The following RBMS1 variants were observed in gnomAD, a reference collection of about 807,000 sequenced individuals.
The protein encoded by RBMS1 is RNA-binding motif, single-stranded-interacting protein 1.
RBMS1 carries 17 observed loss-of-function variants against 62.3 expected under a neutral mutation model. The observed-to-expected ratio is 0.27, with a 90% CI of 0.19 to 0.41. The LOEUF (loss-of-function observed/expected upper bound fraction) is 0.41, where lower values mean the gene tolerates loss of function less well. Among genes scored for constraint, RBMS1 ranks in the 10% least tolerant of loss-of-function variants. RBMS1 has a pLI of 1.00. For synonymous variants in RBMS1, 172 were observed against 170.0 expected (o/e 1.01, Z -0.09); for missense variants, 334 against 504.5 (o/e 0.66, Z 3.24).
chr2:160,431,450 G>A (rs1326706261), intron 1 of RBMS1, among the ~76,000 whole-genome samples: 1 of 151,994 alleles, frequency 6.6e-6, no homozygotes, highest in Non-Finnish European at 1.5e-5. Context: ...AAGTATAAAT[G>A]TTAAGTTATA....
At chr2:160,493,097 T>A in intron 1 of RBMS1, 192 bp downstream of exon 1, 1 of 542,284 alleles carries the variant, frequency 1.8e-6, no homozygotes, top group Non-Finnish European at 3.2e-6. Flanking sequence ...ATCCCCGCAC[T>A]CCGCTCCCAG....
chr2:160,427,752 G>A (rs1352521461), intron 1 of RBMS1, among the ~76,000 whole-genome samples: 1 of 152,156 alleles, frequency 6.6e-6, no homozygotes, highest in Non-Finnish European at 1.5e-5. Flanking sequence ...GGGTGCCTGT[G>A]TCCAGTTTCA....
At chr2:160,489,814 T>C (rs568025848) in intron 1 of RBMS1, among the ~76,000 whole-genome samples, 10 of 152,146 alleles carry the variant, frequency 6.6e-5, no homozygotes, top group Non-Finnish European at 1.3e-4. Context: ...TAGAAATATA[T>C]TCTTAGAACT....
chr2:160,349,581 GAA>G (rs1491309136), intron 2 of RBMS1, among the ~76,000 whole-genome samples: 1 of 150,236 alleles, frequency 6.7e-6, no homozygotes, highest in South Asian at 2.1e-4. Context: ...GAGAGAGAGA[GAA>G]AGGAAGGGAG....
intron 4 of RBMS1, among the ~76,000 whole-genome samples, chr2:160,306,659 C>A (rs576447804): frequency 1.3e-5 from 2 of 150,398 alleles, no homozygotes; most frequent in East Asian, 3.9e-4. Flanking sequence ...AAGCTGGCAG[C>A]ACATGCCACA....
intron 2 of RBMS1, among the ~76,000 whole-genome samples, chr2:160,350,500 T>G (rs1406975998): frequency 2.0e-5 from 3 of 151,838 alleles, no homozygotes; most frequent in Non-Finnish European, 4.4e-5. Flanking sequence ...AACAGATATA[T>G]CATTACTGTC....
At chr2:160,452,670 C>T (rs1684041985) in intron 1 of RBMS1, among the ~76,000 whole-genome samples, 1 of 152,176 alleles carries the variant, frequency 6.6e-6, no homozygotes, top group Admixed American at 6.5e-5. Context: ...TTAGAATGAC[C>T]TTATTACGAG....
intron 1 of RBMS1, among the ~76,000 whole-genome samples, chr2:160,378,659 A>T (rs1017878463): frequency 6.6e-6 from 1 of 151,830 alleles, no homozygotes; most frequent in Non-Finnish European, 1.5e-5. Flanking sequence ...CTGTCATAAG[A>T]GTACACTCAG....
Position 160,484,870 on chromosome 2 carries a change from C to CAAAAA in RBMS1, c.75+8414_75+8418dup, listed in dbSNP as rs756811005. Among the ~76,000 whole-genome samples the CAAAAA allele has an allele frequency of 7.8e-4, 101 of 129,358 alleles. 1 individual carries two copies. Among genetic ancestry groups the CAAAAA allele is most frequent in the Non-Finnish European group, 4.5e-4 (27 of 59,406 alleles). The allele number at this position is 129,358 out of a possible 152,430, so 84.9% of individuals were successfully genotyped here. A position where few individuals can be genotyped will look rare whatever the true frequency, so the allele number is the denominator to read the frequency against. ...TGGGCGACAGAGCAAGACTCCGTCT[C>CAAAAA]AAAAAAAAAAAAAAATTTACGAAGC... On this transcript the variant is annotated intron_variant, in intron 1 of 13. Coordinates refer to ENST00000348849, the MANE Select transcript of RBMS1 (RefSeq NM_016836.4).
intron 1 of RBMS1, among the ~76,000 whole-genome samples, chr2:160,409,708 T>C (rs757441579): frequency 8.5e-5 from 13 of 152,158 alleles, no homozygotes; most frequent in Non-Finnish European, 1.9e-4. Flanking sequence ...GAAACCACAA[T>C]GTAAACCACA....
chr2:160,394,702 T>C (rs767824152), intron 1 of RBMS1, among the ~76,000 whole-genome samples: 1 of 152,252 alleles, frequency 6.6e-6, no homozygotes, highest in Non-Finnish European at 1.5e-5. Flanking sequence ...GTTCAGAGAA[T>C]GACTTTTTAA....
intron 2 of RBMS1, among the ~76,000 whole-genome samples, chr2:160,346,796 A>C (rs1485214090): frequency 6.6e-6 from 1 of 152,150 alleles, no homozygotes; most frequent in African/African-American, 2.4e-5. Flanking sequence ...AAAATCCTCT[A>C]AACACTATAG....
At position 160,445,227 on chromosome 2, in the gene RBMS1, T is replaced by C. The variant is rs186827420; in HGVS notation, c.75+48062A>G. Among the ~76,000 whole-genome samples, 22 of 152,352 alleles carry C rather than the reference T, an allele frequency of 1.4e-4. No individual in the cohort carries two copies. In the East Asian group the frequency reaches 3.9e-3, roughly 27 times the overall value. On this transcript the variant is annotated intron_variant, in intron 1 of 13. Coordinates refer to ENST00000348849, the MANE Select transcript of RBMS1 (RefSeq NM_016836.4). ...AAATATTCATAGATATTTTTTAATA[T>C]TCACATCAATACATGCAGGTTAAGA...
intron 1 of RBMS1, among the ~76,000 whole-genome samples, chr2:160,491,223 G>A (rs1362967673): frequency 2.6e-5 from 4 of 152,180 alleles, no homozygotes. Flanking sequence ...TTGTACAACA[G>A]GGAATTTAGA....
chr2:160,311,232 C>CTATATATCTATATATATATA (rs1689866017), intron 4 of RBMS1, among the ~76,000 whole-genome samples: 12 of 79,246 alleles, frequency 1.5e-4, no homozygotes, highest in East Asian at 9.6e-4. Flanking sequence ...ATCTATCTAT[C>CTATATATCTATATATATATA]TATATATATA....
chr2:160,317,114 T>C (rs1015016441), intron 3 of RBMS1, among the ~76,000 whole-genome samples: 2 of 152,378 alleles, frequency 1.3e-5, no homozygotes, highest in Middle Eastern at 3.4e-3. Flanking sequence ...TGATTAAACA[T>C]GAGCTTAGCT....
At position 160,360,639 on chromosome 2, in the gene RBMS1, G is replaced by T. The variant is rs185150013; in HGVS notation, c.251+6577C>A. 9.9e-5 allele frequency among the ~76,000 whole-genome samples: 15 copies of T among 152,164 alleles called. No homozygotes were observed. The East Asian group carries it at 2.5e-3, about 25-fold the overall frequency. ...TTCTGTGCCTTTTTAAACATCCAAG[G>T]GTTCTCACACCTCTTGGGCACTTCT... is the stretch of plus-strand genomic sequence containing the variant. On this transcript the variant is annotated intron_variant, in intron 2 of 13. Transcript: ENST00000348849.
intron 3 of RBMS1, 22 bp downstream of exon 3, chr2:160,318,147 A>C (rs1559371723): frequency 1.3e-6 from 2 of 1,593,364 alleles, no homozygotes; most frequent in Admixed American, 3.6e-5. Flanking sequence ...CATTTACCAA[A>C]TAACCAGCCA....
rs79289585 is a variant in RBMS1 at position 160,423,810 on chromosome 2, C to T, written c.76-56419G>A. Among the ~76,000 whole-genome samples the T allele has an allele frequency of 2.7e-4, 41 of 151,770 alleles. 1 individual carries two copies. The East Asian group carries it at 7.2e-3, about 27-fold the overall frequency. On this transcript the variant is annotated intron_variant, in intron 1 of 13. Coordinates refer to ENST00000348849, the MANE Select transcript of RBMS1 (RefSeq NM_016836.4). The stretch of plus-strand genomic sequence containing the variant: ...TGTGTCCCCTGGTTGGCCTTCGCTC[C>T]TCTCTCTCTCTGATATCACTACTGA...
Sources: allele counts gnomAD v4.1 joint callset (sites outside exome capture counted in the v4.1 genomes callset), GRCh38; gene constraint gnomAD v4.1.1; transcripts MANE v1.5; gene names NCBI Gene and HGNC (gene_info 2026-07-23, HGNC 2026-07-21).